GSTO2: variants seen among roughly 807,000 people sequenced by gnomAD.
The protein encoded by GSTO2 is glutathione S-transferase omega-2.
Under a neutral mutation model 28.4 loss-of-function variants are expected in GSTO2, and 23 were observed. The ratio of observed to expected loss-of-function variants is 0.81; its 90% CI spans 0.58 to 1.15. The LOEUF (loss-of-function observed/expected upper bound fraction) is 1.15. Ranked by LOEUF, GSTO2 falls within the 50% of genes most tolerant of loss-of-function variation. GSTO2 has a pLI of 0.00. For synonymous variants in GSTO2, 109 were observed against 111.0 expected, an observed-to-expected ratio of 0.98 and a Z score of 0.11; for missense variants, 298 against 297.8, an observed-to-expected ratio of 1.00 and a Z score of 0.00.
chr10:104,295,352 A>G (rs1230000061), intron 5 of GSTO2: 1 of 152,234 alleles, frequency 6.6e-6, no homozygotes, highest in Non-Finnish European at 1.5e-5. Context: ...GACAATGATC[A>G]GGGGGACTTC....
chr10:104,276,448 G>T (rs2011638259), intron 3 of GSTO2, among the ~76,000 whole-genome samples: 1 of 152,226 alleles, frequency 6.6e-6, no homozygotes, highest in Non-Finnish European at 1.5e-5. Context: ...TTGTTGGAGA[G>T]GTGGGATAGA....
intron 5 of GSTO2, among the ~76,000 whole-genome samples, chr10:104,283,410 G>A (rs773148610): frequency 6.6e-6 from 1 of 152,176 alleles, no homozygotes; most frequent in African/African-American, 2.4e-5. Context: ...AGGATCACCT[G>A]AGGCCAGGAG....
Position 104,293,557 on chromosome 10 carries a change from T to C in GSTO2, c.469-4021T>C, listed in dbSNP as rs138342616. Among the ~76,000 whole-genome samples the C allele has an allele frequency of 8.6e-3, 1,267 of 147,582 alleles. 24 individuals are homozygous for C. The highest frequency in any genetic ancestry group is 0.031 in the African/African-American group (1,201 of 39,280). ...GATTACAGGCATGAGCCACTGCGCC[T>C]GGCCAATTTTTTTTTTTTTTTTTTT... On this transcript the variant is annotated intron_variant, in intron 5 of 6. Transcript: ENST00000338595.
intron 1 of GSTO2, among the ~76,000 whole-genome samples, chr10:104,271,906 G>A (rs2011425471): frequency 6.6e-6 from 1 of 152,212 alleles, no homozygotes; most frequent in African/African-American, 2.4e-5. Context: ...TAAGGCCATT[G>A]GGCTAAATCC....
intron 1 of GSTO2, among the ~76,000 whole-genome samples, chr10:104,271,270 G>A (rs2011389198): frequency 6.6e-6 from 1 of 152,214 alleles, no homozygotes; most frequent in African/African-American, 2.4e-5. Flanking sequence ...GGTGAAATAA[G>A]TATTGTGAGT....
chr10:104,293,513 C>T (rs1040879096), intron 5 of GSTO2, among the ~76,000 whole-genome samples: 2 of 148,056 alleles, frequency 1.4e-5, no homozygotes, highest in African/African-American at 2.5e-5. Flanking sequence ...CTGCCCACTT[C>T]GGCCTCCCAA....
intron 5 of GSTO2, among the ~76,000 whole-genome samples, chr10:104,293,875 C>T (rs1259418586): frequency 3.9e-5 from 6 of 152,094 alleles, no homozygotes; most frequent in African/African-American, 1.2e-4. Flanking sequence ...ACAGGGTTGA[C>T]ACTAGTCAGA....
intron 5 of GSTO2, among the ~76,000 whole-genome samples, chr10:104,291,058 G>C (rs1368487935): frequency 6.6e-6 from 1 of 152,078 alleles, no homozygotes; most frequent in African/African-American, 2.4e-5. Flanking sequence ...AAAGATTTCT[G>C]CCCTGGAGTT....
intron 5 of GSTO2, among the ~76,000 whole-genome samples, chr10:104,281,810 C>T (rs1168197757): frequency 6.6e-6 from 1 of 152,080 alleles, no homozygotes; most frequent in African/African-American, 2.4e-5. Context: ...CATTTAAAAC[C>T]TGGGTGTGTT....
intron 5 of GSTO2, among the ~76,000 whole-genome samples, chr10:104,279,707 A>G (rs2011901465): frequency 6.6e-6 from 1 of 152,060 alleles, no homozygotes; most frequent in Non-Finnish European, 1.5e-5. Context: ...TCCCAGAGTC[A>G]CCCCATCTCC....
intron 5 of GSTO2, among the ~76,000 whole-genome samples, chr10:104,284,706 AT>A (rs2135117850): frequency 6.6e-6 from 1 of 152,208 alleles, no homozygotes; most frequent in Admixed American, 6.5e-5. Context: ...ATCTTTGTGG[AT>A]TTGAATGTGG....
chr10:104,290,069 T>C (rs955588423), intron 5 of GSTO2, among the ~76,000 whole-genome samples: 3 of 152,138 alleles, frequency 2.0e-5, no homozygotes, highest in Admixed American at 2.0e-4. Context: ...GATCCAGCAA[T>C]CCCACTGCTG....
intron 3 of GSTO2, among the ~76,000 whole-genome samples, chr10:104,276,682 T>A (rs1014170022): frequency 3.3e-5 from 5 of 152,216 alleles, no homozygotes; most frequent in Admixed American, 2.6e-4. Flanking sequence ...ATGTGGCCTA[T>A]GCTGGTCTCG....
At chr10:104,285,833 G>T in intron 5 of GSTO2, 1 of 221,046 alleles carries the variant, frequency 4.5e-6, no homozygotes, top group Non-Finnish European at 9.5e-6. Flanking sequence ...AGATTATATT[G>T]TCTTGGTTTA....
chr10:104,297,717 C>A (rs201895783), intron 6 of GSTO2, 33 bp downstream of exon 6: 2 of 1,419,188 alleles, frequency 1.4e-6, no homozygotes, highest in Non-Finnish European at 2.0e-6. Context: ...GTTAAATTCC[C>A]GGAGTCACAC....
intron 3 of GSTO2, among the ~76,000 whole-genome samples, chr10:104,276,988 C>T (rs2011668204): frequency 6.6e-6 from 1 of 152,170 alleles, no homozygotes; most frequent in African/African-American, 2.4e-5. Context: ...GTGCCAGGCA[C>T]TGTCCTAAAC....
At chr10:104,286,508 A>T (rs1476503394) in intron 5 of GSTO2, among the ~76,000 whole-genome samples, 1 of 152,214 alleles carries the variant, frequency 6.6e-6, no homozygotes, top group East Asian at 1.9e-4. Context: ...ACTAATATGG[A>T]TAATGTTGCT....
chr10:104,294,872 C>G (rs544735553), intron 5 of GSTO2: 1 of 152,288 alleles, frequency 6.6e-6, no homozygotes, highest in East Asian at 1.9e-4. Context: ...GAGATATACA[C>G]TAAATAAACA....
chr10:104,285,745 G>A (rs117811278), intron 5 of GSTO2, among the ~76,000 whole-genome samples: 3,745 of 152,196 alleles, frequency 0.025, 109 homozygotes, highest in East Asian at 0.094. Context: ...TATGATTACA[G>A]GCATGAGCCA....
Sources: gnomAD v4.1 joint callset for allele counts (sites outside exome capture counted in the v4.1 genomes callset) on GRCh38, gnomAD v4.1.1 for gene constraint, MANE v1.5 for transcripts, NCBI Gene and HGNC (gene_info 2026-07-23, HGNC 2026-07-21) for gene names.